Variants in NLRP11 observed in about 807,000 individuals in gnomAD.
NLRP11 encodes NLR family pyrin domain containing 11.
In NLRP11, 53 loss-of-function variants were observed where a neutral mutation model predicts 79.3. That is an observed-to-expected ratio of 0.67 (90% CI 0.54 to 0.84). The LOEUF is 0.84. NLRP11 is among the 40% of genes least tolerant of loss of function. NLRP11 has a pLI of 0.00. For synonymous variants in NLRP11, 518 were observed against 462.6 expected (o/e 1.12, Z -1.54); for missense variants, 1,264 against 1,255.0 (o/e 1.01, Z -0.11).
chr19:55,792,106 T>C (rs777906345), intron 7 of NLRP11, among the ~76,000 whole-genome samples, 195 bp downstream of exon 7: 26 of 152,220 alleles, frequency 1.7e-4, no homozygotes, highest in Non-Finnish European at 2.8e-4. Context: ...TTGTGAACTC[T>C]GCTCCTTCTG....
chr19:55,832,125 C>A (rs1240828684), upstream of NLRP11: 1 of 152,220 alleles, frequency 6.6e-6, no homozygotes, highest in East Asian at 1.9e-4. Context: ...ACTGCTGCAC[C>A]TGCGTGTTTC....
chr19:55,805,430 C>T (rs299169), intron 4 of NLRP11, among the ~76,000 whole-genome samples: 118,290 of 151,998 alleles, frequency 0.78, 46,657 homozygotes, highest in African/African-American at 0.9. Flanking sequence ...TCCATGTTGC[C>T]GTATTTTCAG....
chr19:55,835,949 G>T (rs1213410096), upstream of NLRP11, among the ~76,000 whole-genome samples: 1 of 151,950 alleles, frequency 6.6e-6, no homozygotes, highest in African/African-American at 2.4e-5. Context: ...CATGGCGAAA[G>T]CCCGTCTCTA....
At chr19:55,795,395 C>T (rs997604099) in intron 6 of NLRP11, among the ~76,000 whole-genome samples, 6 of 152,202 alleles carry the variant, frequency 3.9e-5, no homozygotes, top group African/African-American at 1.2e-4. Context: ...ACCCAGTTCA[C>T]GTGTTCACTG....
chr19:55,802,946 G>A (rs1411626215), intron 4 of NLRP11, among the ~76,000 whole-genome samples: 2 of 152,072 alleles, frequency 1.3e-5, no homozygotes, highest in Non-Finnish European at 2.9e-5. Flanking sequence ...ATGGTGCTGG[G>A]GTAACTGGCT....
At chr19:55,796,631 G>T (rs1307024477) in intron 5 of NLRP11, among the ~76,000 whole-genome samples, 1 of 151,866 alleles carries the variant, frequency 6.6e-6, no homozygotes, top group Admixed American at 6.6e-5. Flanking sequence ...AAGGACTTCT[G>T]ATGTTTTTTC....
intron 5 of NLRP11, among the ~76,000 whole-genome samples, chr19:55,797,819 T>G (rs1979074027): frequency 6.6e-6 from 1 of 152,058 alleles, no homozygotes; most frequent in Non-Finnish European, 1.5e-5. Context: ...GCTCTGAATC[T>G]CTAGGACAAG....
rs1482701339 is a variant in NLRP11 at position 55,809,802 on chromosome 19, C to G, written c.808G>C (p.Gly270Arg). 1.2e-6 allele frequency: 2 copies of G among 1,614,194 alleles called. No individual in the cohort carries two copies. Among genetic ancestry groups the G allele is most frequent in the South Asian group, 2.2e-5 (2 of 91,074 alleles). Residue 270 changes from glycine to arginine, a missense_variant, in exon 3 of 10, where the codon GGC (glycine) becomes CGC (arginine). By Grantham distance (125) the Gly-to-Arg change is moderately radical. Transcript: ENST00000589093. This position sits in a 1 kb window ranked among gnomAD's most constrained non-coding sequence, Gnocchi z 4.5. ...CTTGAGGAGATGAGGAACCAGCAGC[C>G]TGGAGCCATTTTTCTCTTCAGCAAA...
intron 7 of NLRP11, among the ~76,000 whole-genome samples, chr19:55,790,887 T>C (rs7251144): frequency 0.087 from 13,212 of 152,232 alleles, 1,297 homozygotes; most frequent in African/African-American, 0.24. Context: ...TGGGCTTCCA[T>C]GTGCCCTATG....
At position 55,792,213 on chromosome 19, in the gene NLRP11, C is replaced by G. The variant is rs530418311; in HGVS notation, c.2513+88G>C. On this transcript the variant is annotated intron_variant, in intron 7 of 9. Transcript: ENST00000589093. Reference sequence around the variant, plus strand: ...ACCCCTATCACCCATGATGCCATCACTGGAATCTTATCCCTGCCACCAACC... The same window carrying G: ...ACCCCTATCACCCATGATGCCATCAGTGGAATCTTATCCCTGCCACCAACC... 134 of 1,144,354 alleles carry G rather than the reference C, an allele frequency of 1.2e-4. No individual in the cohort carries two copies. The African/African-American group carries it at 2.0e-3, about 17-fold the overall frequency. 70.9% of individuals were successfully genotyped at this position (1,144,354 alleles called of 1,614,324 possible).
intron 1 of NLRP11, among the ~76,000 whole-genome samples, chr19:55,831,212 T>C (rs912427831): frequency 1.4e-5 from 2 of 146,140 alleles, no homozygotes; most frequent in Non-Finnish European, 3.0e-5. Context: ...AGGTCAAACC[T>C]CCTCCTATCT....
Position 55,788,801 on chromosome 19 carries a change from A to T in NLRP11, c.2855+6T>A. The T allele has an allele frequency of 1.3e-6, 2 of 1,585,254 alleles. No homozygotes were observed. Among genetic ancestry groups the T allele is most frequent in the Non-Finnish European group, 1.7e-6 (2 of 1,163,254 alleles). ...TCCCCATCACCAAGGAAAATAAGCAACTTACCCAACTACCTTAAGTACACA... is the reference window on the plus strand; with the variant it reads ...TCCCCATCACCAAGGAAAATAAGCATCTTACCCAACTACCTTAAGTACACA... On this transcript the variant is annotated splice_donor_region_variant and intron_variant, in intron 9 of 9. Coordinates refer to ENST00000589093, the Ensembl canonical transcript of NLRP11.
chr19:55,835,346 C>T (rs369904431), upstream of NLRP11, among the ~76,000 whole-genome samples: 6 of 152,228 alleles, frequency 3.9e-5, no homozygotes, highest in African/African-American at 1.2e-4. Flanking sequence ...CTCGACCTTG[C>T]GTCTAAAAAA....
chr19:55,828,465 T>C (rs1488001154), intron 1 of NLRP11, among the ~76,000 whole-genome samples: 2 of 152,198 alleles, frequency 1.3e-5, no homozygotes, highest in East Asian at 3.8e-4. Context: ...ATGATGTCAA[T>C]TAAAGTAGAT....
At chr19:55,835,372 G>A (rs1265876600), upstream of NLRP11, among the ~76,000 whole-genome samples, 2 of 152,256 alleles carry the variant, frequency 1.3e-5, no homozygotes, top group East Asian at 1.9e-4. Flanking sequence ...CGCCTGTTCT[G>A]CCTACGCAGA....
chr19:55,829,876 C>G (rs1490349330), intron 1 of NLRP11, among the ~76,000 whole-genome samples: 1 of 152,128 alleles, frequency 6.6e-6, no homozygotes, highest in Non-Finnish European at 1.5e-5. Context: ...ACTTCCAACA[C>G]TCATAGCCTA....
chr19:55,796,013 G>C (rs1353069750), intron 6 of NLRP11, 67 bp downstream of exon 6: 19 of 1,406,122 alleles, frequency 1.4e-5, no homozygotes, highest in Non-Finnish European at 1.8e-5. Context: ...ACTGCTCTTT[G>C]ATCATGTGCT....
At chr19:55,814,356 G>T (rs1980883191) in intron 2 of NLRP11, among the ~76,000 whole-genome samples, 1 of 152,038 alleles carries the variant, frequency 6.6e-6, no homozygotes, top group Non-Finnish European at 1.5e-5. Flanking sequence ...CAATGTAATA[G>T]AAATAAAGTA....
chr19:55,793,587 A>AAC (rs1978503067), intron 6 of NLRP11, among the ~76,000 whole-genome samples: 1 of 135,946 alleles, frequency 7.4e-6, no homozygotes, highest in Non-Finnish European at 1.6e-5. Flanking sequence ...AAAAAAAAAA[A>AAC]GTTGAAAACA....
Sources: gnomAD v4.1 joint callset for allele counts (sites outside exome capture counted in the v4.1 genomes callset) on GRCh38, gnomAD v4.1.1 for gene constraint, Gnocchi (gnomAD v3.1) non-coding constraint, MANE v1.5 for transcripts, NCBI Gene and HGNC (gene_info 2026-07-23, HGNC 2026-07-21) for gene names.